TIAM2: variants seen among roughly 807,000 people sequenced by gnomAD.
TIAM2 encodes the protein rho guanine nucleotide exchange factor TIAM2.
A neutral mutation model predicts 152.9 loss-of-function variants in TIAM2; 80 were observed. That is an observed-to-expected ratio of 0.52 (90% CI 0.44 to 0.63). The LOEUF (loss-of-function observed/expected upper bound fraction) is 0.63, where lower values mean the gene tolerates loss of function less well. Among genes scored for constraint, TIAM2 ranks in the 30% least tolerant of loss-of-function variants. TIAM2 has a pLI of 0.00. For missense variants in TIAM2, 1,965 were observed against 2,120.1 expected (o/e 0.93, Z 1.44); for synonymous variants, 804 against 838.0 (o/e 0.96, Z 0.70).
intron 2 of TIAM2, among the ~76,000 whole-genome samples, chr6:155,091,074 G>C (rs1778292418): frequency 6.6e-6 from 1 of 152,104 alleles, no homozygotes; most frequent in Non-Finnish European, 1.5e-5. Context: ...ACCTTCCCAG[G>C]CATAACCTTC....
chr6:155,190,649 A>C (rs1192529896), intron 14 of TIAM2, among the ~76,000 whole-genome samples: 1 of 152,244 alleles, frequency 6.6e-6, no homozygotes, highest in Non-Finnish European at 1.5e-5. Context: ...AAAAATCTAC[A>C]GAAGTTCTCT....
chr6:155,152,537 C>T (rs1779998749), intron 7 of TIAM2, among the ~76,000 whole-genome samples: 1 of 152,188 alleles, frequency 6.6e-6, no homozygotes, highest in African/African-American at 2.4e-5. Context: ...ACACGGTTAT[C>T]CCAGAGTTTT....
chr6:155,196,240 A>G (rs1477047911), intron 14 of TIAM2, among the ~76,000 whole-genome samples: 1 of 152,198 alleles, frequency 6.6e-6, no homozygotes, highest in African/African-American at 2.4e-5. Context: ...GTGAGCATCC[A>G]GAAAGTTGGA....
Position 155,029,486 on chromosome 6 carries a change from T to A in TIAM2, c.-209+33994T>A, listed in dbSNP as rs1248907608. On this transcript the variant is annotated intron_variant, in intron 1 of 26. Coordinates refer to ENST00000682666, the MANE Select transcript of TIAM2 (RefSeq NM_012454.4). ...ATAATATATACTATAGTATATATAC[T>A]ATAGTATATATTATATATAATATAT... 8.9e-3 allele frequency among the ~76,000 whole-genome samples: 4 copies of A among 450 alleles called. 1 individual carries two copies. The highest frequency in any genetic ancestry group is 0.018 in the African/African-American group (3 of 168). 0.3% of individuals were successfully genotyped at this position (450 alleles called of 152,430 possible). A position where few individuals can be genotyped will look rare whatever the true frequency, so the allele number is the denominator to read the frequency against.
chr6:155,069,025 C>G (rs916432137), intron 1 of TIAM2, among the ~76,000 whole-genome samples: 27 of 152,058 alleles, frequency 1.8e-4, no homozygotes, highest in African/African-American at 6.5e-4. Flanking sequence ...CTCAAGTGAT[C>G]CTCCCATCTT....
chr6:155,114,213 C>T (rs1266723061), intron 2 of TIAM2, among the ~76,000 whole-genome samples: 6 of 150,516 alleles, frequency 4.0e-5, no homozygotes, highest in Admixed American at 2.0e-4. Context: ...GCCACCACAC[C>T]CAGCTAATAT....
chr6:155,137,674 C>G, intron 5 of TIAM2, 62 bp downstream of exon 5: 1 of 1,485,848 alleles, frequency 6.7e-7, no homozygotes, highest in East Asian at 2.3e-5. Context: ...TGCTCTTTGC[C>G]AGGAAGTGCC....
intron 15 of TIAM2, among the ~76,000 whole-genome samples, chr6:155,221,126 GAA>G (rs11309755): frequency 0.11 from 11,864 of 109,126 alleles, 564 homozygotes; most frequent in Non-Finnish European, 0.15. Context: ...TTTTTTTTTT[GAA>G]AAAAAAAAAA....
At chr6:155,159,108 AC>A (rs1238616645) in intron 7 of TIAM2, among the ~76,000 whole-genome samples, 1 of 151,860 alleles carries the variant, frequency 6.6e-6, no homozygotes, top group Non-Finnish European at 1.5e-5. Flanking sequence ...CTTTTATGTC[AC>A]CTTCTGAAGA....
At position 155,110,011 on chromosome 6, in the gene TIAM2, G is replaced by A. The variant is rs753344013; in HGVS notation, c.-117-17479G>A. Among the ~76,000 whole-genome samples the A allele has an allele frequency of 1.2e-3, 179 of 147,912 alleles. 1 individual carries two copies. Among genetic ancestry groups the A allele is most frequent in the Admixed American group, 1.2e-3 (17 of 14,708 alleles). On this transcript the variant is annotated intron_variant, in intron 2 of 26. Transcript: ENST00000682666. ...TTTACCCAGGCTGGAGTGCAGTGGTGTAATCTCGGCTCACTGCAACCTCCA... is the reference window on the plus strand; with the variant it reads ...TTTACCCAGGCTGGAGTGCAGTGGTATAATCTCGGCTCACTGCAACCTCCA...
In TIAM2 at chr6:155,226,538, G is replaced by A. The variant is rs188190473; in HGVS notation, c.3169-13992G>A. The stretch of plus-strand genomic sequence containing the variant: ...AAATTAGCTGGGTATGGTGGTGCAC[G>A]CCTGTAATCCCAGCTACTCAGGAGC... On this transcript the variant is annotated intron_variant, in intron 15 of 26. Transcript: ENST00000682666. 1.8e-4 allele frequency among the ~76,000 whole-genome samples: 28 copies of A among 152,144 alleles called. No individual in the cohort carries two copies. In the East Asian group the frequency reaches 4.3e-3, roughly 23 times the overall value.
chr6:154,999,602 C>T (rs1562285656), intron 1 of TIAM2, among the ~76,000 whole-genome samples: 1 of 152,224 alleles, frequency 6.6e-6, no homozygotes, highest in Admixed American at 6.5e-5. Context: ...TTTGGAATCA[C>T]TAAGTTTGTC....
intron 14 of TIAM2, among the ~76,000 whole-genome samples, chr6:155,193,649 C>T (rs1180395833): frequency 1.3e-5 from 2 of 152,194 alleles, no homozygotes; most frequent in South Asian, 2.1e-4. Flanking sequence ...TATGTTTTTC[C>T]TCAATGCTAC....
chr6:155,239,908 C>T (rs1489769612), intron 15 of TIAM2, among the ~76,000 whole-genome samples: 2 of 152,204 alleles, frequency 1.3e-5, no homozygotes, highest in African/African-American at 4.8e-5. Flanking sequence ...AGGGTGTTAC[C>T]ATCTTCATCT....
Position 155,127,487 on chromosome 6 carries a change from C to G in TIAM2, c.-117-3C>G. ...AGAGTTTTCTTGCGTTTCTGTTTTT[C>G]AGGCTCACTTCATGGACTCACTTTG... On this transcript the variant is annotated splice_polypyrimidine_tract_variant and splice_region_variant and intron_variant, in intron 2 of 26. Transcript: ENST00000682666. 2.3e-6 allele frequency: 1 copy of G among 435,386 alleles called. No homozygotes were observed. The highest frequency in any genetic ancestry group is 3.3e-4 in the Middle Eastern group (1 of 2,992). 27.0% of individuals were successfully genotyped at this position (435,386 alleles called of 1,614,324 possible).
chr6:155,072,693 T>C (rs1006894050), intron 1 of TIAM2, among the ~76,000 whole-genome samples: 1 of 152,018 alleles, frequency 6.6e-6, no homozygotes, highest in African/African-American at 2.4e-5. Context: ...TTGTCGTCAA[T>C]GATAGTGAAA....
intron 7 of TIAM2, among the ~76,000 whole-genome samples, chr6:155,163,648 A>C (rs148196251): frequency 0.011 from 1,663 of 152,316 alleles, 16 homozygotes; most frequent in Non-Finnish European, 0.017. Context: ...TTTGCTTCTT[A>C]TTGTTTTGAG....
At position 155,040,170 on chromosome 6, in the gene TIAM2, C is replaced by A. The variant is rs540680856; in HGVS notation, c.-209+44678C>A. 8.5e-5 allele frequency among the ~76,000 whole-genome samples: 13 copies of A among 152,264 alleles called. 2 individuals carry two copies. The highest frequency in any genetic ancestry group is 3.1e-4 in the African/African-American group (13 of 41,552). On this transcript the variant is annotated intron_variant, in intron 1 of 26. Coordinates refer to ENST00000682666, the MANE Select transcript of TIAM2 (RefSeq NM_012454.4). ...CCTTGTGTCAAAGAAGATGCATAATCTTCTCTTCTTTGGCAATTACTTTCT... is the reference window on the plus strand; with the variant it reads ...CCTTGTGTCAAAGAAGATGCATAATATTCTCTTCTTTGGCAATTACTTTCT...
At chr6:155,160,329 G>T (rs1204568580) in intron 7 of TIAM2, among the ~76,000 whole-genome samples, 1 of 152,154 alleles carries the variant, frequency 6.6e-6, no homozygotes, top group African/African-American at 2.4e-5. Flanking sequence ...ACTTGAGGGG[G>T]TGTCAGCCTT....
Sources: allele counts gnomAD v4.1 joint callset (sites outside exome capture counted in the v4.1 genomes callset), GRCh38; gene constraint gnomAD v4.1.1; transcripts MANE v1.5; gene names NCBI Gene and HGNC (gene_info 2026-07-23, HGNC 2026-07-21).